PCNX3: variants seen among roughly 807,000 people sequenced by gnomAD.
PCNX3 encodes pecanex 3.
In PCNX3, 58 loss-of-function variants were observed where a neutral mutation model predicts 207.2. That is an observed-to-expected ratio of 0.28 (90% CI 0.23 to 0.35). PCNX3 has a LOEUF of 0.35. Ranked by LOEUF, PCNX3 falls within the 10% of genes least tolerant of loss-of-function variation. The pLI, the probability that PCNX3 is intolerant of heterozygous loss-of-function variation, is 1.00. For missense variants in PCNX3, 2,410 were observed against 2,774.4 expected, an observed-to-expected ratio of 0.87 and a Z score of 2.95; for synonymous variants, 1,337 against 1,183.5, an observed-to-expected ratio of 1.13 and a Z score of -2.66.
intron 21 of PCNX3, 142 bp from the exon 22 acceptor site, chr11:65,627,263 C>T (rs1364048830): frequency 1.7e-6 from 2 of 1,161,468 alleles, no homozygotes; most frequent in South Asian, 1.6e-5. Context: ...GACTAAGAGT[C>T]ACGGGCCCAA....
At chr11:65,628,542 C>T (rs1320535327) in intron 22 of PCNX3, 53 bp from the exon 23 acceptor site, 1 of 1,552,578 alleles carries the variant, frequency 6.4e-7, no homozygotes, top group Non-Finnish European at 8.8e-7. Context: ...CATCCGGGGG[C>T]TTCCATGAGT....
chr11:65,620,990 C>T (rs543920794), intron 10 of PCNX3, 24 bp downstream of exon 10: 33 of 1,515,126 alleles, frequency 2.2e-5, no homozygotes, highest in South Asian at 1.7e-4. Context: ...GGGGAAGGGC[C>T]GTGCCAGTGG....
intron 27 of PCNX3, among the ~76,000 whole-genome samples, chr11:65,632,035 G>T (rs1178350779): frequency 6.6e-6 from 1 of 152,162 alleles, no homozygotes; most frequent in Non-Finnish European, 1.5e-5. Flanking sequence ...GTCACCGAGA[G>T]GTCATGGCCT....
Position 65,635,099 on chromosome 11 carries a change from C to A in PCNX3, c.4932C>A (p.Arg1644=). The change falls in exon 30 of 35, where the codon CGC becomes CGA. Residue 1644 remains arginine, a synonymous_variant. Coordinates refer to ENST00000355703, the MANE Select transcript of PCNX3 (RefSeq NM_032223.4). This position sits in a 1 kb window ranked among gnomAD's most constrained non-coding sequence, Gnocchi z 9.9. The part of the protein sequence containing the change: ...LLHRVVAPGV[R]MALKLHQDHF... ...ACCGCGTTGTGGCGCCTGGGGTTCG[C>A]ATGGCCCTCAAGCTTCACCAGGTTG... The A allele has an allele frequency of 6.2e-7, 1 of 1,613,554 alleles. No individual in the cohort carries two copies. The highest frequency in any genetic ancestry group is 1.3e-5 in the African/African-American group (1 of 75,022).
At chr11:65,619,388 C>G in intron 6 of PCNX3, 149 bp from the exon 7 acceptor site, 1 of 1,416,280 alleles carries the variant, frequency 7.1e-7, no homozygotes, top group Non-Finnish European at 9.3e-7. Flanking sequence ...GGAAACTGAG[C>G]ATGGGGCTGT....
Position 65,618,980 on chromosome 11 carries a change from G to A in PCNX3, c.1618G>A (p.Val540Met), listed in dbSNP as rs918012769. 1.2e-6 allele frequency: 2 copies of A among 1,602,590 alleles called. No homozygotes were observed. Among genetic ancestry groups the A allele is most frequent in the Non-Finnish European group, 1.7e-6 (2 of 1,178,188 alleles). The change falls in exon 6 of 35, where the codon GTG becomes ATG. Residue 540 changes from valine to methionine, a missense_variant. This residue lies in a region of PCNX3 where 1,104 missense variants were observed against 970.3 expected (regional missense o/e 1.14). Transcript: ENST00000355703. ...GVEQAASEPVVLPAEARRGPA... is the reference protein window; with the variant it reads ...GVEQAASEPVMLPAEARRGPA... ...GGAGCAGGCTGCTAGTGAGCCTGTTGTGCTGCCTGCTGAGGCGCGAAGGGG... is the reference window on the plus strand; with the variant it reads ...GGAGCAGGCTGCTAGTGAGCCTGTTATGCTGCCTGCTGAGGCGCGAAGGGG...
At position 65,618,419 on chromosome 11, in the gene PCNX3, G is replaced by A. The variant is rs755263578; in HGVS notation, c.1057G>A (p.Val353Ile). The A allele has an allele frequency of 1.9e-6, 3 of 1,612,446 alleles. No homozygotes were observed. The highest frequency in any genetic ancestry group is 2.7e-5 in the African/African-American group (2 of 75,048). ...AELPASPDAG[V>I]PSDDTLRSFD... Reference sequence around the variant, plus strand: ...GCTGCCTGCCTCACCAGACGCCGGGGTCCCCTCAGATGACACGCTGCGTTC... The same window carrying A: ...GCTGCCTGCCTCACCAGACGCCGGGATCCCCTCAGATGACACGCTGCGTTC... The change falls in exon 6 of 35, where the codon GTC becomes ATC. Residue 353 changes from valine (V) to isoleucine (I), a missense_variant. Transcript: ENST00000355703.
At chr11:65,622,898 G>A (rs1277456915) in intron 11 of PCNX3, among the ~76,000 whole-genome samples, 3 of 152,106 alleles carry the variant, frequency 2.0e-5, no homozygotes, top group Admixed American at 6.5e-5. Flanking sequence ...TACCGCGCCC[G>A]GCCATCCTAT....
chr11:65,630,993 G>A (rs1341566456), intron 27 of PCNX3, among the ~76,000 whole-genome samples: 2 of 152,228 alleles, frequency 1.3e-5, no homozygotes, highest in Admixed American at 6.5e-5. Context: ...CATTTACCAC[G>A]GGTGGGCGCT....
intron 10 of PCNX3, among the ~76,000 whole-genome samples, chr11:65,621,346 G>T (rs1855086769): frequency 1.3e-5 from 2 of 152,174 alleles, no homozygotes; most frequent in Admixed American, 6.5e-5. Context: ...GGCTGCTGGG[G>T]TGCTCTCTGT....
At chr11:65,628,476 T>A (rs1855491052) in intron 22 of PCNX3, 119 bp from the exon 23 acceptor site, 2 of 904,528 alleles carry the variant, frequency 2.2e-6, no homozygotes, top group Non-Finnish European at 3.4e-6. Context: ...TGACCTTGAG[T>A]TTGGCCCCCG....
At position 65,625,504 on chromosome 11, in the gene PCNX3, G is replaced by A. The variant is rs1855339793; in HGVS notation, c.3129G>A (p.Gln1043=). The change falls in exon 18 of 35, where the codon CAG becomes CAA. Residue 1043 remains glutamine (Q), a synonymous_variant. Transcript: ENST00000355703. The surrounding 1 kb of genome is among the most constrained non-coding windows in gnomAD (Gnocchi z 5.6). ...ACCCCTTGCCGGACAAGATGCGCCA[G>A]TCGGTGGTGAGGGGGCGGGGGGTGG... ...PPDPLPDKMR[Q]SVREVLHSDL... The A allele has an allele frequency of 6.2e-7, 1 of 1,602,436 alleles. No homozygotes were observed. Among genetic ancestry groups the A allele is most frequent in the Non-Finnish European group, 8.5e-7 (1 of 1,177,794 alleles).
At position 65,627,598 on chromosome 11, in the gene PCNX3, T is replaced by C. The variant is rs752218077; in HGVS notation, c.3702+16T>C. ...TTGCAGCAAGGTGAGTTGGTGGCTG[T>C]GGCCCAGACCCCAGGCTGTCCAATG... On this transcript the variant is annotated intron_variant, in intron 22 of 34. Coordinates refer to ENST00000355703, the MANE Select transcript of PCNX3 (RefSeq NM_032223.4). 6.2e-6 allele frequency: 10 copies of C among 1,612,962 alleles called. No homozygotes were observed. The highest frequency in any genetic ancestry group is 6.8e-6 in the Non-Finnish European group (8 of 1,179,312).
Position 65,620,839 on chromosome 11 carries a change from ACTC to A in PCNX3, c.2109_2111del (p.His703_Ser704delinsGln). ...GGCTGCTGTTCTCACAGGGACCGAC[ACTC>A]GCATTCCTCCAGCTTCCACTCGGCT... On this transcript the variant is annotated inframe_deletion, in exon 10 of 35. Coordinates refer to ENST00000355703, the MANE Select transcript of PCNX3 (RefSeq NM_032223.4). 6.3e-7 allele frequency: 1 copy of A among 1,595,306 alleles called. No individual in the cohort carries two copies. Among genetic ancestry groups the A allele is most frequent in the South Asian group, 1.1e-5 (1 of 87,790 alleles).
chr11:65,629,082 C>T lies in PCNX3; in HGVS notation c.3941+134C>T, dbSNP rs1156594176. 73 of 1,324,744 alleles carry T rather than the reference C, an allele frequency of 5.5e-5. 1 individual carries two copies. In the South Asian group the frequency reaches 9.3e-4, roughly 17 times the overall value. The allele number at this position is 1,324,744 out of a possible 1,614,324, so 82.1% of individuals were successfully genotyped here. A position where few individuals can be genotyped will look rare whatever the true frequency, so the allele number is the denominator to read the frequency against. On this transcript the variant is annotated intron_variant, in intron 24 of 34. Coordinates refer to ENST00000355703, the MANE Select transcript of PCNX3 (RefSeq NM_032223.4). Reference sequence around the variant, plus strand: ...TTGGTCACAGTGGGGACACATGAGGCGGCAGATCCAATGCAGGGAGAGCCT... The same window carrying T: ...TTGGTCACAGTGGGGACACATGAGGTGGCAGATCCAATGCAGGGAGAGCCT...
rs756712326 is a variant in PCNX3, at chr11:65,636,757, C to T, written c.5893-9C>T. ...CTGCTCACCCGCCAACCTCTCCCCC[C>T]TCCCCCAGGCGCCTCTAGACCTCAG... On this transcript the variant is annotated splice_polypyrimidine_tract_variant and intron_variant, in intron 34 of 34. Coordinates refer to ENST00000355703, the MANE Select transcript of PCNX3 (RefSeq NM_032223.4). 6.0e-5 allele frequency: 93 copies of T among 1,545,586 alleles called. 2 individuals are homozygous for T. The South Asian group carries it at 8.0e-4, about 13-fold the overall frequency.
chr11:65,628,927 A>G lies in PCNX3; in HGVS notation c.3920A>G (p.Lys1307Arg). 6 of 1,611,976 alleles carry G rather than the reference A, an allele frequency of 3.7e-6. No homozygotes were observed. Among genetic ancestry groups the G allele is most frequent in the Non-Finnish European group, 5.1e-6 (6 of 1,179,784 alleles). Residue 1307 changes from lysine to arginine, a missense_variant, in exon 24 of 35, where the codon AAG becomes AGG. Coordinates refer to ENST00000355703, the MANE Select transcript of PCNX3 (RefSeq NM_032223.4). ...VFIMSYARPL[K>R]FWERDYNTKR... ...ATCATGTCCTACGCTCGGCCCCTCAAGTTCTGGGAGCGCGACTACAAGTGA... is the reference window on the plus strand; with the variant it reads ...ATCATGTCCTACGCTCGGCCCCTCAGGTTCTGGGAGCGCGACTACAAGTGA...
At chr11:65,629,172 C>T (rs888418446) in intron 24 of PCNX3, among the ~76,000 whole-genome samples, 185 bp from the exon 25 acceptor site, 4 of 152,188 alleles carry the variant, frequency 2.6e-5, no homozygotes, top group Admixed American at 6.5e-5. Context: ...AGCTTAGCCT[C>T]CCAGCTTCTT....
Position 65,623,619 on chromosome 11 carries a change from C to T in PCNX3, c.2486C>T (p.Ala829Val). Residue 829 changes from alanine to valine, a missense_variant, in exon 12 of 35, where the codon GCC becomes GTC. Physicochemically the swap from Ala to Val is moderately conservative, Grantham distance 64 (BLOSUM62 0). Coordinates refer to ENST00000355703, the MANE Select transcript of PCNX3 (RefSeq NM_032223.4). ...GTCTTCCAGTTCTGCCTGGTCATCGCCTCCTGCCAGTACTCCTTGCTGAAG... is the reference window on the plus strand; with the variant it reads ...GTCTTCCAGTTCTGCCTGGTCATCGTCTCCTGCCAGTACTCCTTGCTGAAG... The part of the protein sequence containing the change: ...IWVFQFCLVI[A>V]SCQYSLLKSV... The T allele has an allele frequency of 6.2e-7, 1 of 1,613,900 alleles. No homozygotes were observed. Among genetic ancestry groups the T allele is most frequent in the Non-Finnish European group, 8.5e-7 (1 of 1,179,804 alleles).
Sources: gnomAD v4.1 joint callset for allele counts (sites outside exome capture counted in the v4.1 genomes callset) on GRCh38, gnomAD v4.1.1 for gene constraint, gnomAD v4.1.1 regional missense constraint, Gnocchi (gnomAD v3.1) non-coding constraint, MANE v1.5 for transcripts, NCBI Gene and HGNC (gene_info 2026-07-23, HGNC 2026-07-21) for gene names.